SLC30A8: variants seen among roughly 807,000 people sequenced by gnomAD.
SLC30A8 encodes solute carrier family 30 member 8.
SLC30A8 carries 27 observed loss-of-function variants against 36.9 expected under a neutral mutation model. The ratio of observed to expected loss-of-function variants is 0.73; its 90% CI spans 0.54 to 1.01. The LOEUF (loss-of-function observed/expected upper bound fraction) is 1.01, where lower values mean the gene tolerates loss of function less well. SLC30A8 is among the 50% of genes least tolerant of loss of function. The pLI is 0.00. For synonymous variants in SLC30A8, 164 were observed against 172.4 expected, an observed-to-expected ratio of 0.95 and a Z score of 0.38; for missense variants, 439 against 452.0, an observed-to-expected ratio of 0.97 and a Z score of 0.26.
intron 1 of SLC30A8, among the ~76,000 whole-genome samples, chr8:117,004,496 G>A (rs1816109666): frequency 2.6e-5 from 4 of 152,002 alleles, no homozygotes; most frequent in Admixed American, 6.6e-5. Flanking sequence ...CTGTAAAAGA[G>A]CTTTTGATGG....
At chr8:117,015,600 G>GA (rs1816492017) in intron 1 of SLC30A8, among the ~76,000 whole-genome samples, 1 of 151,872 alleles carries the variant, frequency 6.6e-6, no homozygotes, top group African/African-American at 2.4e-5. Context: ...TGTGAAACAA[G>GA]AAGGGGACAT....
intron 1 of SLC30A8, among the ~76,000 whole-genome samples, chr8:116,970,215 C>T (rs1009457275): frequency 1.3e-5 from 2 of 152,030 alleles, no homozygotes; most frequent in Non-Finnish European, 2.9e-5. Context: ...CTCAGGGTCA[C>T]GATCATCAAT....
chr8:117,095,468 A>G (rs1819319129), intron 2 of SLC30A8, among the ~76,000 whole-genome samples: 1 of 152,108 alleles, frequency 6.6e-6, no homozygotes, highest in Admixed American at 6.5e-5. Flanking sequence ...TTTTTGCATA[A>G]AAATATATTT....
In SLC30A8 at chr8:116,952,375, C is replaced by T. The variant is rs527937772; in HGVS notation, c.-266+1256C>T. Among the ~76,000 whole-genome samples, 134 of 152,164 alleles carry T rather than the reference C, an allele frequency of 8.8e-4. 1 individual carries two copies. The highest frequency in any genetic ancestry group is 3.1e-3 in the African/African-American group (129 of 41,524). ...ATAATATACAAATAATTAAATAATT[C>T]TAAAAGTCTTACACAAAAATTATCA... is the stretch of plus-strand genomic sequence containing the variant. On this transcript the variant is annotated intron_variant, in intron 1 of 10. Coordinates refer to the SLC30A8 transcript ENST00000427715.
chr8:116,989,463 T>C (rs1309976659), intron 1 of SLC30A8, among the ~76,000 whole-genome samples: 1 of 152,226 alleles, frequency 6.6e-6, no homozygotes, highest in African/African-American at 2.4e-5. Flanking sequence ...TACCTCATCC[T>C]ATATTGTTTA....
intron 2 of SLC30A8, among the ~76,000 whole-genome samples, chr8:117,123,934 G>A (rs1161328678): frequency 6.6e-6 from 1 of 152,004 alleles, no homozygotes; most frequent in Non-Finnish European, 1.5e-5. Flanking sequence ...TTAACTTGCT[G>A]TGGGGAATCC....
At chr8:116,958,512 C>T (rs1814298670) in intron 1 of SLC30A8, among the ~76,000 whole-genome samples, 1 of 152,090 alleles carries the variant, frequency 6.6e-6, no homozygotes, top group African/African-American at 2.4e-5. Flanking sequence ...CTGTCTCTTG[C>T]TTGCATCATT....
intron 6 of SLC30A8, among the ~76,000 whole-genome samples, chr8:117,163,786 C>A (rs970232489): frequency 6.6e-6 from 1 of 151,574 alleles, no homozygotes; most frequent in African/African-American, 2.4e-5. Context: ...AAACACCATG[C>A]GGAGATACTA....
At chr8:117,094,522 G>A (rs1819273448) in intron 2 of SLC30A8, among the ~76,000 whole-genome samples, 1 of 152,198 alleles carries the variant, frequency 6.6e-6, no homozygotes, top group South Asian at 2.1e-4. Flanking sequence ...ACTCTGTTGT[G>A]GGTAGTTCCT....
chr8:117,150,599 G>A (rs1282542445), intron 2 of SLC30A8, among the ~76,000 whole-genome samples: 1 of 152,052 alleles, frequency 6.6e-6, no homozygotes, highest in African/African-American at 2.4e-5. Context: ...ACACTATCGA[G>A]ACTTTAAAAG....
intron 1 of SLC30A8, among the ~76,000 whole-genome samples, chr8:117,015,732 G>A (rs1367899808): frequency 6.6e-6 from 1 of 152,104 alleles, no homozygotes; most frequent in Admixed American, 6.6e-5. Context: ...TTGTGACACA[G>A]GCCTAAAGTA....
chr8:116,954,681 A>G (rs996670008), intron 1 of SLC30A8, among the ~76,000 whole-genome samples: 2 of 152,254 alleles, frequency 1.3e-5, no homozygotes, highest in African/African-American at 4.8e-5. Context: ...CAGTGAATGT[A>G]TAACATTCTT....
At chr8:116,970,944 A>G (rs2130616320) in intron 1 of SLC30A8, among the ~76,000 whole-genome samples, 1 of 152,272 alleles carries the variant, frequency 6.6e-6, no homozygotes, top group Non-Finnish European at 1.5e-5. Flanking sequence ...AAAACACAAA[A>G]GTTAGCCAGT....
chr8:116,993,541 TC>T (rs1381206972), intron 1 of SLC30A8, among the ~76,000 whole-genome samples: 1 of 151,898 alleles, frequency 6.6e-6, no homozygotes, highest in Non-Finnish European at 1.5e-5. Context: ...CCAGAGACAA[TC>T]TAGATGTTGG....
intron 2 of SLC30A8, among the ~76,000 whole-genome samples, chr8:117,046,096 T>C (rs971133862): frequency 6.6e-5 from 10 of 152,116 alleles, no homozygotes; most frequent in African/African-American, 2.4e-4. Context: ...TCTCGAGTCA[T>C]GAAGGGCAGG....
intron 2 of SLC30A8, among the ~76,000 whole-genome samples, chr8:117,054,429 A>C (rs967507258): frequency 2.0e-5 from 3 of 152,184 alleles, no homozygotes; most frequent in Non-Finnish European, 4.4e-5. Flanking sequence ...CATCTGATTT[A>C]ACCCTGTGAG....
intron 1 of SLC30A8, among the ~76,000 whole-genome samples, chr8:116,986,424 A>G (rs893453483): frequency 6.6e-6 from 1 of 152,184 alleles, no homozygotes; most frequent in Non-Finnish European, 1.5e-5. Flanking sequence ...ACTAAATCCC[A>G]TACTGATGAG....
intron 2 of SLC30A8, among the ~76,000 whole-genome samples, chr8:117,077,653 C>G (rs1433582799): frequency 6.6e-6 from 1 of 152,138 alleles, no homozygotes; most frequent in Non-Finnish European, 1.5e-5. Flanking sequence ...AGGGAGGCAG[C>G]AGTTGTGAAG....
At chr8:117,031,914 G>A (rs1311510911) in intron 1 of SLC30A8, among the ~76,000 whole-genome samples, 1 of 152,152 alleles carries the variant, frequency 6.6e-6, no homozygotes, top group Non-Finnish European at 1.5e-5. Context: ...AATGCTGGCA[G>A]AAATCCCTTC....
Sources: allele counts gnomAD v4.1 joint callset (sites outside exome capture counted in the v4.1 genomes callset), GRCh38; gene constraint gnomAD v4.1.1; transcripts MANE v1.5; gene names NCBI Gene and HGNC (gene_info 2026-07-23, HGNC 2026-07-21).